The following R3HDM2 variants were observed in gnomAD, a reference collection of about 807,000 sequenced individuals.
The protein encoded by R3HDM2 is R3H domain containing 2, also known as R3H domain-containing protein 2.
In R3HDM2, 38 loss-of-function variants were observed where a neutral mutation model predicts 124.5. That is an observed-to-expected ratio of 0.31 (90% CI 0.24 to 0.40). The LOEUF (loss-of-function observed/expected upper bound fraction) is 0.40. Ranked by LOEUF, R3HDM2 falls within the 10% of genes least tolerant of loss-of-function variation. R3HDM2 has a pLI of 1.00. For synonymous variants in R3HDM2, 391 were observed against 448.0 expected (o/e 0.87, Z 1.61); for missense variants, 869 against 1,236.9 (o/e 0.70, Z 4.46).
intron 2 of R3HDM2, among the ~76,000 whole-genome samples, chr12:57,371,067 C>T (rs574619891): frequency 7.5e-6 from 1 of 133,288 alleles, no homozygotes; most frequent in Admixed American, 8.0e-5. Context: ...GAATGGGAAC[C>T]AAATATATAC....
intron 1 of R3HDM2, among the ~76,000 whole-genome samples, chr12:57,424,926 CAT>C (rs2070581724): frequency 1.3e-5 from 2 of 152,164 alleles, no homozygotes; most frequent in South Asian, 4.1e-4. Context: ...TAATTTGTCA[CAT>C]GAGCCTGGGC....
chr12:57,331,269 G>A (rs2136616140), intron 2 of R3HDM2, among the ~76,000 whole-genome samples: 1 of 152,182 alleles, frequency 6.6e-6, no homozygotes, highest in Middle Eastern at 3.4e-3. Context: ...CCCCCAATGG[G>A]TCTCCATCTC....
chr12:57,333,700 T>C (rs1392366810), intron 2 of R3HDM2, among the ~76,000 whole-genome samples: 1 of 147,984 alleles, frequency 6.8e-6, no homozygotes, highest in Non-Finnish European at 1.5e-5. Flanking sequence ...AATAAATAAA[T>C]AAATACATAA....
chr12:57,355,284 C>T (rs577499362), intron 2 of R3HDM2, among the ~76,000 whole-genome samples: 11 of 150,872 alleles, frequency 7.3e-5, no homozygotes, highest in South Asian at 4.2e-4. Context: ...GGTGAAACCC[C>T]GTCTCTACTA....
Position 57,257,986 on chromosome 12 carries a change from C to CT in R3HDM2, c.2449+3dup. 1.3e-6 allele frequency: 2 copies of CT among 1,534,854 alleles called. No individual in the cohort carries two copies. The highest frequency in any genetic ancestry group is 1.8e-6 in the Non-Finnish European group (2 of 1,130,830). ...TAGCAGCCAGCACTAATCTAACCCC[C>CT]TACCCTGTGCTGGACCCCCAGGCCG... On this transcript the variant is annotated splice_donor_region_variant and intron_variant, in intron 21 of 23. Coordinates refer to ENST00000402412, the MANE Select transcript of R3HDM2 (RefSeq NM_001394031.1).
intron 13 of R3HDM2, among the ~76,000 whole-genome samples, chr12:57,283,153 T>C (rs1326753251): frequency 6.6e-6 from 1 of 152,204 alleles, no homozygotes; most frequent in Non-Finnish European, 1.5e-5. Context: ...GGATTCCCTC[T>C]GCTCTACAAA....
Position 57,254,989 on chromosome 12 carries a change from C to T in R3HDM2, c.2757G>A (p.Gly919=). Residue 919 remains glycine, a synonymous_variant, in exon 24 of 24, where the codon GGG becomes GGA. Coordinates refer to ENST00000402412, the MANE Select transcript of R3HDM2 (RefSeq NM_001394031.1). The part of the protein sequence containing the change: ...AKIQWLKDAQ[G]LPGGGGGDNS... ...TGTCCCCCCCACCCCCTCCAGGCAG[C>T]CCCTGAGCATCCTTGAGCCACTGGA... is the stretch of plus-strand genomic sequence containing the variant. 3 of 1,613,960 alleles carry T rather than the reference C, an allele frequency of 1.9e-6. No individual in the cohort carries two copies. The highest frequency in any genetic ancestry group is 2.2e-5 in the South Asian group (2 of 91,074).
chr12:57,259,209 A>G, intron 19 of R3HDM2, 150 bp from the exon 20 acceptor site: 1 of 742,554 alleles, frequency 1.3e-6, no homozygotes, highest in Non-Finnish European at 2.1e-6. Context: ...ATGGCTGCTG[A>G]TGTGGCTTCT....
intron 2 of R3HDM2, among the ~76,000 whole-genome samples, chr12:57,353,857 TA>T (rs2060944475): frequency 6.6e-6 from 1 of 152,168 alleles, no homozygotes; most frequent in African/African-American, 2.4e-5. Flanking sequence ...ATGTTTTTTT[TA>T]TTTTTTTATT....
intron 2 of R3HDM2, among the ~76,000 whole-genome samples, chr12:57,366,505 T>C (rs2062677392): frequency 6.6e-6 from 1 of 152,246 alleles, no homozygotes; most frequent in Non-Finnish European, 1.5e-5. Flanking sequence ...TGTCTCTACT[T>C]AACATGCATT....
intron 2 of R3HDM2, among the ~76,000 whole-genome samples, chr12:57,363,115 G>A (rs1210743094): frequency 1.3e-5 from 2 of 152,134 alleles, no homozygotes; most frequent in African/African-American, 4.8e-5. Context: ...AAGCCACTGC[G>A]CCCAGCCTGC....
intron 1 of R3HDM2, among the ~76,000 whole-genome samples, chr12:57,429,778 G>T (rs1413933670): frequency 7.7e-6 from 1 of 129,998 alleles, no homozygotes; most frequent in African/African-American, 2.8e-5. Context: ...GGGTGGGGGG[G>T]GAATATTGGT....
At chr12:57,297,986 G>T in intron 7 of R3HDM2, 104 bp downstream of exon 7, 1 of 775,326 alleles carries the variant, frequency 1.3e-6, no homozygotes, top group Non-Finnish European at 2.3e-6. Flanking sequence ...AGGAAGATGA[G>T]CATCCTAGAT....
intron 2 of R3HDM2, among the ~76,000 whole-genome samples, chr12:57,339,010 C>T (rs1208179270): frequency 2.0e-5 from 3 of 152,038 alleles, no homozygotes; most frequent in South Asian, 4.1e-4. Flanking sequence ...TTATTGTCTT[C>T]GTTTTACAAA....
chr12:57,337,649 C>T (rs909678689), intron 2 of R3HDM2, among the ~76,000 whole-genome samples: 1 of 152,142 alleles, frequency 6.6e-6, no homozygotes, highest in Non-Finnish European at 1.5e-5. Context: ...ACATTGCACT[C>T]TAGTTCTATA....
chr12:57,307,317 GTTGTT>G (rs372445039), intron 3 of R3HDM2, among the ~76,000 whole-genome samples: 15 of 94,492 alleles, frequency 1.6e-4, no homozygotes, highest in South Asian at 2.9e-4. Context: ...TTTTTTTGTT[GTTGTT>G]TTGTTTTGTT....
Position 57,269,947 on chromosome 12 carries a change from T to C in R3HDM2, c.1392A>G (p.Gln464=). 1.2e-6 allele frequency: 2 copies of C among 1,614,210 alleles called. No individual in the cohort carries two copies. Among genetic ancestry groups the C allele is most frequent in the Non-Finnish European group, 1.7e-6 (2 of 1,180,026 alleles). ...NPFGQMSLSR[Q]GSTEAADPSA... ...ATGGGTCAGCTGCTTCAGTAGAACC[T>C]TGGCGACTAAGGCTCATTTGTCCAA... Residue 464 remains glutamine (Q), a synonymous_variant, in exon 15 of 24, where the codon CAA becomes CAG. Transcript: ENST00000402412.
In R3HDM2 at chr12:57,259,044, C is replaced by G; in HGVS notation, c.2147G>C (p.Gly716Ala). ...PQQYSGVSPS[G>A]PGVVVMQLNV... ...CAGCTGCATGACCACTACACCTGGT[C>G]CAGAAGGTGACACTCCTGAAGGGCA... The change falls in exon 20 of 24, where the codon GGA becomes GCA. Residue 716 changes from glycine (G) to alanine (A), a missense_variant. By Grantham distance (60) the Gly-to-Ala change is moderately conservative. Coordinates refer to ENST00000402412, the MANE Select transcript of R3HDM2 (RefSeq NM_001394031.1). 6.2e-7 allele frequency: 1 copy of G among 1,611,624 alleles called. No individual in the cohort carries two copies. The highest frequency in any genetic ancestry group is 8.5e-7 in the Non-Finnish European group (1 of 1,179,264).
intron 13 of R3HDM2, among the ~76,000 whole-genome samples, chr12:57,282,141 C>T (rs2046299624): frequency 6.6e-6 from 1 of 151,994 alleles, no homozygotes; most frequent in Non-Finnish European, 1.5e-5. Flanking sequence ...GAAACCCCAT[C>T]TCTACTAAAA....
Sources: gnomAD v4.1 joint callset for allele counts (sites outside exome capture counted in the v4.1 genomes callset) on GRCh38, gnomAD v4.1.1 for gene constraint, MANE v1.5 for transcripts, NCBI Gene and HGNC (gene_info 2026-07-23, HGNC 2026-07-21) for gene names.